Variants in BRWD1 observed in about 807,000 individuals in gnomAD.
BRWD1 encodes bromodomain and WD repeat-containing protein 1.
BRWD1 carries 82 observed loss-of-function variants against 251.2 expected under a neutral mutation model. The observed-to-expected ratio is 0.33, with a 90% confidence interval of 0.27 to 0.39. The LOEUF is 0.39. BRWD1 is among the 10% of genes least tolerant of loss of function. The pLI is 1.00. For missense variants in BRWD1, 2,233 were observed against 2,711.6 expected, an observed-to-expected ratio of 0.82 and a Z score of 3.92; for synonymous variants, 918 against 902.8, an observed-to-expected ratio of 1.02 and a Z score of -0.30.
chr21:39,305,093 G>A (rs1301515260), intron 4 of BRWD1, among the ~76,000 whole-genome samples: 2 of 151,652 alleles, frequency 1.3e-5, no homozygotes, highest in African/African-American at 4.9e-5. Context: ...CCAAGTAGCT[G>A]GGACTACAGG....
chr21:39,186,894 G>T lies in BRWD1; in HGVS notation c.*9365C>A. 1 of 1,442,008 alleles carries T rather than the reference G, an allele frequency of 6.9e-7. No homozygotes were observed. Among genetic ancestry groups the T allele is most frequent in the Non-Finnish European group, 9.2e-7 (1 of 1,090,170 alleles). The allele number at this position is 1,442,008 out of a possible 1,614,324, so 89.3% of individuals were successfully genotyped here. A position where few individuals can be genotyped will look rare whatever the true frequency, so the allele number is the denominator to read the frequency against. ...AGAGCTGACTGGGAGGAACCCACTGGATTATGGCTTTTAGAAAATTCCTCC... is the reference window on the plus strand; with the variant it reads ...AGAGCTGACTGGGAGGAACCCACTGTATTATGGCTTTTAGAAAATTCCTCC... On this transcript the variant is annotated 3_prime_UTR_variant, in exon 41 of 41. Transcript: ENST00000342449.
intron 8 of BRWD1, among the ~76,000 whole-genome samples, chr21:39,291,287 A>C (rs1346205071): frequency 3.3e-5 from 5 of 152,206 alleles, no homozygotes; most frequent in Admixed American, 3.3e-4. Context: ...GTGCATAAAA[A>C]AATTGAACCA....
At chr21:39,301,384 C>G (rs1271392527) in intron 4 of BRWD1, among the ~76,000 whole-genome samples, 6 of 152,152 alleles carry the variant, frequency 3.9e-5, no homozygotes, top group African/African-American at 1.4e-4. Context: ...ACTGCCTCGT[C>G]AGCTTTCATC....
intron 24 of BRWD1, 33 bp from the exon 25 acceptor site, chr21:39,232,317 G>C: frequency 6.2e-7 from 1 of 1,605,842 alleles, no homozygotes; most frequent in South Asian, 1.1e-5. Context: ...TAAAAATTAA[G>C]AGCAATATAA....
At chr21:39,307,052 C>T (rs561391063) in intron 4 of BRWD1, among the ~76,000 whole-genome samples, 3 of 152,284 alleles carry the variant, frequency 2.0e-5, no homozygotes, top group African/African-American at 4.8e-5. Context: ...CGGGGTTTCA[C>T]CCTGTTGGCC....
chr21:39,255,399 C>T (rs1041440), intron 19 of BRWD1, among the ~76,000 whole-genome samples: 45,356 of 150,448 alleles, frequency 0.3, 7,289 homozygotes, highest in Middle Eastern at 0.35. Flanking sequence ...GCAACGAGAG[C>T]GAAACTCCGT....
In BRWD1 at chr21:39,198,756, G is replaced by A. The variant is rs200242315; in HGVS notation, c.5653+7C>T. ...ATCAGTGAACAAAGATAAATGTTTT[G>A]AATTACCTTTCATAAAATTGTTTGG... On this transcript the variant is annotated splice_region_variant and intron_variant, in intron 40 of 40. Transcript: ENST00000342449. 1.3e-6 allele frequency: 2 copies of A among 1,563,028 alleles called. No individual in the cohort carries two copies. The highest frequency in any genetic ancestry group is 1.2e-5 in the South Asian group (1 of 83,416).
At chr21:39,283,473 A>AG (rs1319399473) in intron 8 of BRWD1, among the ~76,000 whole-genome samples, 3 of 152,104 alleles carry the variant, frequency 2.0e-5, no homozygotes, top group Non-Finnish European at 4.4e-5. Flanking sequence ...TATGTGTTTG[A>AG]GGGGTTTTGT....
In BRWD1 at chr21:39,187,035, A is replaced by G. The variant is rs770913187; in HGVS notation, c.*9224T>C. The G allele has an allele frequency of 2.6e-6, 4 of 1,562,136 alleles. No homozygotes were observed. In the Admixed American group the frequency reaches 6.0e-5, roughly 24 times the overall value. On this transcript the variant is annotated 3_prime_UTR_variant, in exon 41 of 41. Coordinates refer to ENST00000342449, the MANE Select transcript of BRWD1 (RefSeq NM_033656.4). ...TACATTCTCATAGTCACTATTGTGC[A>G]TTTTCTTTCCAGGATCTGAACCCCC...
intron 4 of BRWD1, among the ~76,000 whole-genome samples, chr21:39,303,182 T>C (rs1463028577): frequency 1.3e-5 from 2 of 152,088 alleles, no homozygotes; most frequent in African/African-American, 4.8e-5. Flanking sequence ...TTGAAACCTC[T>C]AGGGAAACCA....
intron 8 of BRWD1, among the ~76,000 whole-genome samples, chr21:39,281,056 G>A (rs1356487970): frequency 6.6e-6 from 1 of 152,122 alleles, no homozygotes; most frequent in Non-Finnish European, 1.5e-5. Context: ...ATCAGCACAA[G>A]TTCAAAAGCG....
chr21:39,270,838 C>G (rs1045896978), intron 13 of BRWD1, among the ~76,000 whole-genome samples: 1 of 152,102 alleles, frequency 6.6e-6, no homozygotes, highest in Non-Finnish European at 1.5e-5. Flanking sequence ...TATTCATATC[C>G]CCAATGTTTA....
At chr21:39,221,437 A>C (rs771476695) in intron 29 of BRWD1, among the ~76,000 whole-genome samples, 1 of 152,204 alleles carries the variant, frequency 6.6e-6, no homozygotes, top group African/African-American at 2.4e-5. Context: ...ATATGTAACA[A>C]ATTTTACACT....
At chr21:39,267,209 C>CT (rs2034950573) in intron 15 of BRWD1, among the ~76,000 whole-genome samples, 2 of 146,800 alleles carry the variant, frequency 1.4e-5, no homozygotes, top group South Asian at 4.2e-4. Flanking sequence ...AATCAAAGGT[C>CT]TAAGAACCTG....
chr21:39,195,092 T>G lies in BRWD1; in HGVS notation c.*1167A>C. On this transcript the variant is annotated 3_prime_UTR_variant, in exon 41 of 41. Transcript: ENST00000342449. ...TTTCACTTTAAATGGATTATAAAATTATTTTCCCACAAAACATGACAGTTT... is the reference window on the plus strand; with the variant it reads ...TTTCACTTTAAATGGATTATAAAATGATTTTCCCACAAAACATGACAGTTT... 2 of 1,207,996 alleles carry G rather than the reference T, an allele frequency of 1.7e-6. No homozygotes were observed. Among genetic ancestry groups the G allele is most frequent in the Non-Finnish European group, 2.1e-6 (2 of 968,898 alleles). The allele number at this position is 1,207,996 out of a possible 1,614,324, so 74.8% of individuals were successfully genotyped here. A position where few individuals can be genotyped will look rare whatever the true frequency, so the allele number is the denominator to read the frequency against.
chr21:39,291,927 A>G (rs1408224543), intron 8 of BRWD1, among the ~76,000 whole-genome samples: 2 of 151,948 alleles, frequency 1.3e-5, no homozygotes, highest in Non-Finnish European at 2.9e-5. Flanking sequence ...CTTATTCCCA[A>G]TGTTTCAGGC....
intron 8 of BRWD1, among the ~76,000 whole-genome samples, chr21:39,284,658 T>C (rs1486118677): frequency 6.6e-6 from 1 of 152,214 alleles, no homozygotes; most frequent in Non-Finnish European, 1.5e-5. Flanking sequence ...GGTTTTGATT[T>C]GCATTTTCCT....
intron 15 of BRWD1, among the ~76,000 whole-genome samples, chr21:39,268,502 C>CT (rs34107900): frequency 0.52 from 78,247 of 150,788 alleles, 20,807 homozygotes; most frequent in African/African-American, 0.62. Context: ...CATGTGCCTC[C>CT]TAATATGATT....
In BRWD1 at chr21:39,270,026, G is replaced by T. The variant is rs773354846; in HGVS notation, c.1403C>A (p.Ala468Asp). The T allele has an allele frequency of 6.1e-5, 96 of 1,563,944 alleles. No individual in the cohort carries two copies. The highest frequency in any genetic ancestry group is 8.2e-5 in the Non-Finnish European group (95 of 1,156,724). ...GQLLHNLMGHADEVFVLETHP... is the reference protein window; with the variant it reads ...GQLLHNLMGHDDEVFVLETHP... Reference sequence around the variant, plus strand: ...TGTCTCCAGAACAAATACTTCATCAGCATGTCCCTTTATTTAACAAAGTCA... The same window carrying T: ...TGTCTCCAGAACAAATACTTCATCATCATGTCCCTTTATTTAACAAAGTCA... Residue 468 changes from alanine to aspartate, a missense_variant, in exon 15 of 41, where the codon GCT becomes GAT. Ala to Asp is a moderately radical substitution (Grantham distance 126, BLOSUM62 -2). Around this residue, in one of 12 missense-constraint regions of BRWD1, gnomAD observed 315 missense variants for 421.8 expected, o/e 0.75. Transcript: ENST00000342449.
Sources: allele counts gnomAD v4.1 joint callset (sites outside exome capture counted in the v4.1 genomes callset), GRCh38; gene constraint gnomAD v4.1.1; regional missense constraint gnomAD v4.1.1; transcripts MANE v1.5; gene names NCBI Gene and HGNC (gene_info 2026-07-23, HGNC 2026-07-21).